The following VWA3A variants were observed in gnomAD, a reference collection of about 807,000 sequenced individuals.
The protein encoded by VWA3A is von Willebrand factor A domain containing 3A, also known as von Willebrand factor A domain-containing protein 3A.
Under a neutral mutation model 160.4 loss-of-function variants are expected in VWA3A, and 134 were observed. The ratio of observed to expected loss-of-function variants is 0.84; its 90% confidence interval spans 0.73 to 0.96. VWA3A has a LOEUF of 0.96. VWA3A is among the 40% of genes least tolerant of loss of function. The pLI is 0.00. For synonymous variants in VWA3A, 476 were observed against 543.4 expected, an observed-to-expected ratio of 0.88 and a Z score of 1.72; for missense variants, 1,310 against 1,447.9, an observed-to-expected ratio of 0.90 and a Z score of 1.55.
At chr16:22,115,940 G>A (rs2045632598) in intron 9 of VWA3A, among the ~76,000 whole-genome samples, 16 of 69,224 alleles carry the variant, frequency 2.3e-4, no homozygotes, top group Non-Finnish European at 4.0e-4. Context: ...AGGAAAGGAA[G>A]GGAGGAGGGG....
At chr16:22,111,088 A>G in intron 8 of VWA3A, 94 bp downstream of exon 8, 2 of 1,090,636 alleles carry the variant, frequency 1.8e-6, no homozygotes, top group South Asian at 3.2e-5. Flanking sequence ...TGCAAACCCC[A>G]GGACCCTACT....
intron 28 of VWA3A, 32 bp from the exon 29 acceptor site, chr16:22,149,755 T>C (rs747231440): frequency 6.4e-7 from 1 of 1,570,820 alleles, no homozygotes; most frequent in South Asian, 1.2e-5. Context: ...TCCCCTTCTC[T>C]GCCCCTCACC....
At chr16:22,110,283 A>G (rs2045535018) in intron 7 of VWA3A, among the ~76,000 whole-genome samples, 1 of 152,200 alleles carries the variant, frequency 6.6e-6, no homozygotes, top group Non-Finnish European at 1.5e-5. Flanking sequence ...TGATGTGGAC[A>G]GGCTATTTTC....
intron 15 of VWA3A, 188 bp downstream of exon 15, chr16:22,123,353 T>TA (rs889354040): frequency 0.036 from 34,924 of 956,934 alleles, 2 homozygotes; most frequent in Non-Finnish European, 0.04. Flanking sequence ...TCAATGCCTT[T>TA]AAAAAAAAAA....
Position 22,149,784 on chromosome 16 carries a change from C to T in VWA3A, c.2985-3C>T. 6.9e-6 allele frequency: 11 copies of T among 1,589,514 alleles called. No homozygotes were observed. The highest frequency in any genetic ancestry group is 9.5e-6 in the Non-Finnish European group (11 of 1,162,340). ...CCTCACCTCCTCTTTTCCTCCTCCC[C>T]AGTTTTAACCTGCTCAGCTTTGCAG... On this transcript the variant is annotated splice_region_variant and splice_polypyrimidine_tract_variant and intron_variant, in intron 28 of 33. Coordinates refer to ENST00000389398, the MANE Select transcript of VWA3A (RefSeq NM_173615.5).
chr16:22,156,336 T>C lies in VWA3A; in HGVS notation c.*319T>C. ...AACCAACCCCCTGCCTGAACGGTGC[T>C]TCTTGCCCCCTCTGCCTGGAGACTC... On this transcript the variant is annotated 3_prime_UTR_variant, in exon 34 of 34. Transcript: ENST00000389398. 5.3e-6 allele frequency: 1 copy of C among 190,190 alleles called. No individual in the cohort carries two copies. Among genetic ancestry groups the C allele is most frequent in the Non-Finnish European group, 1.1e-5 (1 of 92,672 alleles). The allele number at this position is 190,190 out of a possible 1,614,324, so 11.8% of individuals were successfully genotyped here.
chr16:22,147,987 G>A (rs896170364), intron 27 of VWA3A, among the ~76,000 whole-genome samples, 175 bp from the exon 28 acceptor site: 3 of 151,888 alleles, frequency 2.0e-5, no homozygotes, highest in Non-Finnish European at 2.9e-5. Context: ...TTGGACAATC[G>A]ACCCCTCCCA....
chr16:22,103,578 G>C (rs1328898832), intron 6 of VWA3A, 49 bp downstream of exon 6: 13 of 1,544,584 alleles, frequency 8.4e-6, no homozygotes, highest in Non-Finnish European at 1.1e-5. Flanking sequence ...CATTCCATTT[G>C]TATTTGTTAG....
Position 22,146,301 on chromosome 16 carries a change from G to A in VWA3A, c.2796G>A (p.Lys932=), listed in dbSNP as rs777616638. The A allele has an allele frequency of 7.4e-6, 12 of 1,613,574 alleles. No individual in the cohort carries two copies. The Admixed American group carries it at 2.0e-4, about 27-fold the overall frequency. ...AGGTGTACATCAGGCACTTGGAGAAGGTGTTAAGGCGCTATGTCCAGAGGC... is the reference window on the plus strand; with the variant it reads ...AGGTGTACATCAGGCACTTGGAGAAAGTGTTAAGGCGCTATGTCCAGAGGC... The part of the protein sequence containing the change: ...EMEVYIRHLE[K]VLRRYVQRLQ... Residue 932 remains lysine (K), a synonymous_variant, in exon 27 of 34, where the codon AAG becomes AAA. Transcript: ENST00000389398.
chr16:22,126,997 G>A (rs1400899542), intron 17 of VWA3A, among the ~76,000 whole-genome samples: 1 of 148,878 alleles, frequency 6.7e-6, no homozygotes, highest in Non-Finnish European at 1.5e-5. Flanking sequence ...ATTATATATA[G>A]TTTTAAAATT....
intron 14 of VWA3A, 122 bp from the exon 15 acceptor site, chr16:22,122,963 G>A (rs139702169): frequency 3.6e-5 from 27 of 752,136 alleles, no homozygotes; most frequent in African/African-American, 6.9e-5. Flanking sequence ...AGTTCGATCC[G>A]ACCTCAAATG....
chr16:22,118,207 G>A (rs2045676507), intron 11 of VWA3A, among the ~76,000 whole-genome samples: 1 of 152,138 alleles, frequency 6.6e-6, no homozygotes, highest in African/African-American at 2.4e-5. Context: ...CTTGAGCTCA[G>A]GAGTTTGAGG....
chr16:22,129,402 A>AAGAAAGAAAGAAAG (rs1555458651), intron 17 of VWA3A, among the ~76,000 whole-genome samples: 1 of 118,974 alleles, frequency 8.4e-6, no homozygotes, highest in Non-Finnish European at 1.6e-5. Context: ...AAAAAAAAAA[A>AAGAAAGAAAGAAAG]AAAGAAAGAA....
intron 1 of VWA3A, among the ~76,000 whole-genome samples, chr16:22,093,204 G>A (rs1233379306): frequency 2.6e-5 from 4 of 152,066 alleles, no homozygotes; most frequent in African/African-American, 9.7e-5. Context: ...CTAAGTCCCG[G>A]CCCAAATGGA....
At chr16:22,110,480 C>T (rs892136968) in intron 7 of VWA3A, among the ~76,000 whole-genome samples, 11 of 152,154 alleles carry the variant, frequency 7.2e-5, no homozygotes, top group African/African-American at 1.2e-4. Context: ...TTCCAAAGAT[C>T]CCCCAGGTGG....
At chr16:22,115,918 G>GAAGGAAGGAAGGA (rs2045630381) in intron 9 of VWA3A, among the ~76,000 whole-genome samples, 6 of 31,388 alleles carry the variant, frequency 1.9e-4, no homozygotes, top group African/African-American at 6.4e-4. Flanking sequence ...AGGAAGGAAG[G>GAAGGAAGGAAGGA]AAGGAAAGGA....
chr16:22,126,035 T>A, intron 16 of VWA3A, 143 bp from the exon 17 acceptor site: 1 of 1,203,730 alleles, frequency 8.3e-7, no homozygotes, highest in South Asian at 1.3e-5. Flanking sequence ...TCCGTTGGCC[T>A]CAAACCACAG....
Position 22,142,842 on chromosome 16 carries a change from G to C in VWA3A, c.2592+77G>C, listed in dbSNP as rs143580498. ...GTCCACCAACCATTACTTCTAGGAT[G>C]GGGGGGCATAATCAGAAATGAGAAC... is the stretch of plus-strand genomic sequence containing the variant. On this transcript the variant is annotated intron_variant, in intron 25 of 33. Coordinates refer to ENST00000389398, the MANE Select transcript of VWA3A (RefSeq NM_173615.5). 22 of 1,106,764 alleles carry C rather than the reference G, an allele frequency of 2.0e-5. 1 individual carries two copies. The highest frequency in any genetic ancestry group is 1.6e-4 in the African/African-American group (10 of 64,338). 68.6% of individuals were successfully genotyped at this position (1,106,764 alleles called of 1,614,324 possible).
intron 9 of VWA3A, chr16:22,116,475 GAAAGA>G (rs2045650541): frequency 2.0e-6 from 1 of 500,994 alleles, no homozygotes; most frequent in Non-Finnish European, 3.6e-6. Flanking sequence ...GGAAGAGAGA[GAAAGA>G]AAAGAAAGAG....
Sources: gnomAD v4.1 joint callset for allele counts (sites outside exome capture counted in the v4.1 genomes callset) on GRCh38, gnomAD v4.1.1 for gene constraint, MANE v1.5 for transcripts, NCBI Gene and HGNC (gene_info 2026-07-23, HGNC 2026-07-21) for gene names.